SLC6A3: variants seen among roughly 807,000 people sequenced by gnomAD.
SLC6A3 encodes solute carrier family 6 member 3.
In SLC6A3, 19 loss-of-function variants were observed where a neutral mutation model predicts 70.4. The ratio of observed to expected loss-of-function variants is 0.27; its 90% CI spans 0.19 to 0.40. SLC6A3 has a LOEUF of 0.40. Ranked by LOEUF, SLC6A3 falls within the 10% of genes least tolerant of loss-of-function variation. The pLI is 1.00. For missense variants in SLC6A3, 613 were observed against 838.5 expected (o/e 0.73, Z 3.32); for synonymous variants, 368 against 356.6 (o/e 1.03, Z -0.36).
chr5:1,406,369 ACTCCCAAGGGCCCCAC>A lies in SLC6A3; in HGVS notation c.1499-97_1499-82del. The A allele has an allele frequency of 8.2e-7, 1 of 1,221,134 alleles. No homozygotes were observed. Among genetic ancestry groups the A allele is most frequent in the Non-Finnish European group, 1.2e-6 (1 of 823,986 alleles). The allele number at this position is 1,221,134 out of a possible 1,614,324, so 75.6% of individuals were successfully genotyped here. On this transcript the variant is annotated intron_variant, in intron 11 of 14. Coordinates refer to ENST00000270349, the MANE Select transcript of SLC6A3 (RefSeq NM_001044.5). This position sits in a 1 kb window ranked among gnomAD's most constrained non-coding sequence, Gnocchi z 8.8. ...TGGACACGTGTGGGGGTCCTCGCTG[ACTCCCAAGGGCCCCAC>A]CTACCGGCCCCAGGCTTCGGCTGCA... is the stretch of plus-strand genomic sequence containing the variant.
rs754107346 is a variant in SLC6A3 at position 1,414,680 on chromosome 5, G to C, written c.1156+11C>G. The C allele has an allele frequency of 9.3e-6, 15 of 1,611,976 alleles. No individual in the cohort carries two copies. Among genetic ancestry groups the C allele is most frequent in the Non-Finnish European group, 1.3e-5 (15 of 1,179,632 alleles). ...CACGGAGCAGGCCCAGGTGCAGCAG[G>C]AGGGGCTCACCGTCCTTGGCCACGT... On this transcript the variant is annotated intron_variant, in intron 8 of 14. Coordinates refer to ENST00000270349, the MANE Select transcript of SLC6A3 (RefSeq NM_001044.5).
intron 14 of SLC6A3, among the ~76,000 whole-genome samples, chr5:1,395,800 C>A (rs1306161512): frequency 6.6e-6 from 1 of 152,228 alleles, no homozygotes; most frequent in Non-Finnish European, 1.5e-5. Flanking sequence ...GAGTCCTGTT[C>A]CCCCCAGGGT....
chr5:1,443,855 T>TG (rs940962017), intron 1 of SLC6A3, among the ~76,000 whole-genome samples: 18 of 151,878 alleles, frequency 1.2e-4, no homozygotes, highest in South Asian at 2.1e-4. Flanking sequence ...TGTGTGTTTT[T>TG]TTGTTGTTGT....
intron 5 of SLC6A3, 101 bp from the exon 6 acceptor site, chr5:1,420,804 G>A (rs1442754130): frequency 7.8e-7 from 1 of 1,285,332 alleles, no homozygotes; most frequent in Non-Finnish European, 1.1e-6. Context: ...CTTGTCCTCT[G>A]ATTGGGAGGC....
rs774198186 is a variant in SLC6A3 at position 1,442,973 on chromosome 5, G to A, written c.225C>T (p.Gly75=). Residue 75 remains glycine (G), a synonymous_variant, in exon 2 of 15, where the codon GGC becomes GGT. Transcript: ENST00000270349. The surrounding 1 kb of genome is among the most constrained non-coding windows in gnomAD (Gnocchi z 5.0). ...KKIDFLLSVI[G]FAVDLANVWR... ...AGACGTTGGCCAGGTCCACAGCAAAGCCAATGACGGACAGGAGAAAGTCGA... is the reference window on the plus strand; with the variant it reads ...AGACGTTGGCCAGGTCCACAGCAAAACCAATGACGGACAGGAGAAAGTCGA... 1 of 1,614,214 alleles carries A rather than the reference G, an allele frequency of 6.2e-7. No homozygotes were observed.
chr5:1,400,842 G>C, intron 14 of SLC6A3, 73 bp downstream of exon 14: 1 of 1,136,556 alleles, frequency 8.8e-7, no homozygotes, highest in Non-Finnish European at 1.3e-6. Context: ...GAGCCCCCTG[G>C]GGGCTAAGAA....
chr5:1,430,026 A>T (rs1332218691), intron 4 of SLC6A3, among the ~76,000 whole-genome samples: 1 of 151,606 alleles, frequency 6.6e-6, no homozygotes, highest in Admixed American at 6.6e-5. Flanking sequence ...TCCTGCCCAG[A>T]CTCTCCCACG....
In SLC6A3 at chr5:1,401,656, C is replaced by T. The variant is rs1235436494; in HGVS notation, c.1768-670G>A. Among the ~76,000 whole-genome samples, 1 of 152,216 alleles carries T rather than the reference C, an allele frequency of 6.6e-6. No homozygotes were observed. Among genetic ancestry groups the T allele is most frequent in the Admixed American group, 6.5e-5 (1 of 15,292 alleles). On this transcript the variant is annotated intron_variant, in intron 13 of 14. Transcript: ENST00000270349. This position sits in a 1 kb window ranked among gnomAD's most constrained non-coding sequence, Gnocchi z 6.1. ...ATTCCACTTGTACCTGGCTCAGCTG[C>T]TGAGGTTTTACTTGGCTTACGTTCA...
chr5:1,444,686 G>C (rs553900628), intron 1 of SLC6A3, among the ~76,000 whole-genome samples: 1 of 152,232 alleles, frequency 6.6e-6, no homozygotes, highest in South Asian at 2.1e-4. Flanking sequence ...CGTCGGGTGC[G>C]GAGCTCGCGA....
chr5:1,417,239 A>T (rs37021), intron 6 of SLC6A3, among the ~76,000 whole-genome samples: 1 of 151,434 alleles, frequency 6.6e-6, no homozygotes, highest in Admixed American at 6.6e-5. Context: ...TGATGGCGGC[A>T]CCCTGATAAC....
At chr5:1,425,232 C>T (rs922138787) in intron 4 of SLC6A3, among the ~76,000 whole-genome samples, 4 of 152,210 alleles carry the variant, frequency 2.6e-5, no homozygotes, top group African/African-American at 9.6e-5. Flanking sequence ...GCCTCCCATG[C>T]ATCATTGTGA....
chr5:1,394,485 C>G lies in SLC6A3; in HGVS notation c.*250G>C, dbSNP rs11564774. 0.22 allele frequency: 136,263 copies of G among 610,794 alleles called. 16,174 individuals carry two copies. The highest frequency in any genetic ancestry group is 0.32 in the Middle Eastern group (1,011 of 3,128). The allele number at this position is 610,794 out of a possible 1,614,324, so 37.8% of individuals were successfully genotyped here. A position where few individuals can be genotyped will look rare whatever the true frequency, so the allele number is the denominator to read the frequency against. On this transcript the variant is annotated 3_prime_UTR_variant, in exon 15 of 15. Coordinates refer to ENST00000270349, the MANE Select transcript of SLC6A3 (RefSeq NM_001044.5). The surrounding 1 kb of genome is among the most constrained non-coding windows in gnomAD (Gnocchi z 4.7). ...ACGTTTTTCTGCCCTGCAGGGACAA[C>G]AACGGGGTGGACCTCGCTGCACAGA...
chr5:1,394,417 G>A lies in SLC6A3; in HGVS notation c.*318C>T, dbSNP rs1755661973. On this transcript the variant is annotated 3_prime_UTR_variant, in exon 15 of 15. Coordinates refer to ENST00000270349, the MANE Select transcript of SLC6A3 (RefSeq NM_001044.5). The surrounding 1 kb of genome is among the most constrained non-coding windows in gnomAD (Gnocchi z 4.7). Reference sequence around the variant, plus strand: ...GGGCAGCCTCAGAGCCGGGAGCAGGGAGCAGGGAGGGAGGGAGCCTCACAC... The same window carrying A: ...GGGCAGCCTCAGAGCCGGGAGCAGGAAGCAGGGAGGGAGGGAGCCTCACAC... 1 of 514,294 alleles carries A rather than the reference G, an allele frequency of 1.9e-6. No homozygotes were observed. The highest frequency in any genetic ancestry group is 3.5e-6 in the Non-Finnish European group (1 of 283,578). 31.9% of individuals were successfully genotyped at this position (514,294 alleles called of 1,614,324 possible).
At position 1,411,354 on chromosome 5, in the gene SLC6A3, C is replaced by A. The variant is rs1235773454; in HGVS notation, c.1158G>T (p.Gly386=). 1 of 1,549,648 alleles carries A rather than the reference C, an allele frequency of 6.5e-7. No homozygotes were observed. The change falls in exon 9 of 15, where the codon GGG becomes GGT. Residue 386 remains glycine, a splice_region_variant and synonymous_variant. Coordinates refer to ENST00000270349, the MANE Select transcript of SLC6A3 (RefSeq NM_001044.5). The surrounding 1 kb of genome is among the most constrained non-coding windows in gnomAD (Gnocchi z 6.5). ...SVPIGDVAKD[G]PGLIFIIYPE... ...GGTAGATGATGAAGATCAGCCCTGG[C>A]CCTGAAACAGAACCCGCCCTGCTTG...
chr5:1,400,077 T>C (rs28363158), intron 14 of SLC6A3, among the ~76,000 whole-genome samples: 8 of 152,326 alleles, frequency 5.3e-5, no homozygotes, highest in Admixed American at 3.9e-4. Flanking sequence ...CTCCACACTA[T>C]GGCCTTCTCT....
chr5:1,415,029 C>T (rs974511594), intron 7 of SLC6A3, among the ~76,000 whole-genome samples: 3 of 152,156 alleles, frequency 2.0e-5, no homozygotes, highest in Non-Finnish European at 4.4e-5. Context: ...AAGGCTCAGC[C>T]ATCAAGGCTC....
At chr5:1,419,323 T>TCATTCATCCATC (rs1756380849) in intron 6 of SLC6A3, among the ~76,000 whole-genome samples, 2 of 142,856 alleles carry the variant, frequency 1.4e-5, no homozygotes, top group African/African-American at 5.3e-5. Flanking sequence ...TACCTAGCAT[T>TCATTCATCCATC]CATCCATCCA....
chr5:1,414,562 G>A (rs144067026), intron 8 of SLC6A3, 129 bp downstream of exon 8: 6 of 1,064,526 alleles, frequency 5.6e-6, no homozygotes, highest in Non-Finnish European at 8.3e-6. Flanking sequence ...CAAGAGTGAG[G>A]CAGCAACTCT....
intron 9 of SLC6A3, among the ~76,000 whole-genome samples, chr5:1,410,246 G>A (rs963019100): frequency 6.6e-6 from 1 of 152,204 alleles, no homozygotes; most frequent in African/African-American, 2.4e-5. Flanking sequence ...CTTGTCATTG[G>A]CTACGCCTTC....
Sources: gnomAD v4.1 joint callset for allele counts (sites outside exome capture counted in the v4.1 genomes callset) on GRCh38, gnomAD v4.1.1 for gene constraint, Gnocchi (gnomAD v3.1) non-coding constraint, MANE v1.5 for transcripts, NCBI Gene and HGNC (gene_info 2026-07-23, HGNC 2026-07-21) for gene names.